Variants in SNX25 observed in about 807,000 individuals in gnomAD.
SNX25 encodes sorting nexin-25.
Under a neutral mutation model 113.7 loss-of-function variants are expected in SNX25, and 62 were observed. That is an observed-to-expected ratio of 0.55 (90% CI 0.44 to 0.67). The LOEUF (loss-of-function observed/expected upper bound fraction) is 0.67. Among genes scored for constraint, SNX25 ranks in the 30% least tolerant of loss-of-function variants. The pLI is 0.00. For synonymous variants in SNX25, 421 were observed against 436.2 expected (o/e 0.97, Z 0.43); for missense variants, 1,014 against 1,161.0 (o/e 0.87, Z 1.84).
intron 6 of SNX25, among the ~76,000 whole-genome samples, chr4:185,298,481 T>TA (rs113693866): frequency 0.011 from 1,702 of 152,268 alleles, 19 homozygotes; most frequent in South Asian, 0.047. Context: ...GTGATTTTTT[T>TA]TAAAAAAATA....
At chr4:185,341,269 T>G (rs1319968590) in intron 11 of SNX25, among the ~76,000 whole-genome samples, 1 of 152,248 alleles carries the variant, frequency 6.6e-6, no homozygotes, top group Non-Finnish European at 1.5e-5. Context: ...TAAAGGAAAT[T>G]ATATCTCCCA....
Position 185,362,617 on chromosome 4 carries a change from T to C in SNX25, c.2840T>C (p.Leu947Pro), listed in dbSNP as rs2095370410. 1 of 1,613,938 alleles carries C rather than the reference T, an allele frequency of 6.2e-7. No homozygotes were observed. The highest frequency in any genetic ancestry group is 1.3e-5 in the African/African-American group (1 of 74,914). The change falls in exon 18 of 19, where the codon CTT becomes CCT. Residue 947 changes from leucine (L) to proline (P), a missense_variant. Transcript: ENST00000652585. ...QKLLENIPDM[L>P]QSLVGQQNAR... ...TCTACACTTAATTTTTCAGATATGC[T>C]TCAGAGCCTTGTTGGACAGCAAAAT...
chr4:185,374,080 T>G, downstream of SNX25: 11 of 1,425,118 alleles, frequency 7.7e-6, no homozygotes, highest in Non-Finnish European at 5.9e-6. Context: ...AAAAAAGCAG[T>G]GAAACAAATA....
intron 15 of SNX25, among the ~76,000 whole-genome samples, chr4:185,356,291 AC>A (rs1561052085): frequency 6.6e-6 from 1 of 152,044 alleles, no homozygotes; most frequent in Admixed American, 6.6e-5. Flanking sequence ...GACCAGTAAT[AC>A]CCCTGGCCCC....
At chr4:185,249,013 A>T (rs1349541236) in intron 2 of SNX25, among the ~76,000 whole-genome samples, 2 of 152,214 alleles carry the variant, frequency 1.3e-5, no homozygotes, top group Non-Finnish European at 2.9e-5. Flanking sequence ...GGTGGGTGGT[A>T]TTCCATTACA....
intron 1 of SNX25, among the ~76,000 whole-genome samples, chr4:185,239,303 G>C (rs983634980): frequency 6.6e-6 from 1 of 151,812 alleles, no homozygotes; most frequent in African/African-American, 2.4e-5. Flanking sequence ...CCAACACGGT[G>C]AAACTCCGTC....
intron 6 of SNX25, among the ~76,000 whole-genome samples, chr4:185,302,141 G>T (rs543587056): frequency 4.3e-4 from 62 of 145,382 alleles, no homozygotes; most frequent in Admixed American, 3.8e-3. Flanking sequence ...TCACTATGTT[G>T]GTTAGGCTGG....
chr4:185,326,940 C>T lies in SNX25; in HGVS notation c.1749+3140C>T, dbSNP rs551912546. Among the ~76,000 whole-genome samples, 13 of 152,282 alleles carry T rather than the reference C, an allele frequency of 8.5e-5. No individual in the cohort carries two copies. In the South Asian group the frequency reaches 2.7e-3, roughly 32 times the overall value. ...TTTACAGAAAAACTGGATGATACCC[C>T]TTCAACTTTAGCCAATATGTTTACA... On this transcript the variant is annotated intron_variant, in intron 9 of 18. Coordinates refer to ENST00000652585, the MANE Select transcript of SNX25 (RefSeq NM_001378034.2).
In SNX25 at chr4:185,286,859, G is replaced by A. The variant is rs545986141; in HGVS notation, c.1092-1153G>A. Reference sequence around the variant, plus strand: ...GAAAAAATAAGGTGCAAATTTGTGAGGAGTCCATGAGTAGCTATGACTAAG... The same window carrying A: ...GAAAAAATAAGGTGCAAATTTGTGAAGAGTCCATGAGTAGCTATGACTAAG... On this transcript the variant is annotated intron_variant, in intron 5 of 18. Transcript: ENST00000652585. Among the ~76,000 whole-genome samples the A allele has an allele frequency of 3.9e-5, 6 of 152,304 alleles. No homozygotes were observed. In the South Asian group the frequency reaches 1.2e-3, roughly 32 times the overall value.
intron 12 of SNX25, among the ~76,000 whole-genome samples, chr4:185,344,529 G>A (rs979296840): frequency 2.0e-5 from 3 of 152,182 alleles, no homozygotes; most frequent in African/African-American, 7.2e-5. Flanking sequence ...ATGGGAGCAC[G>A]GGATGGGGAA....
chr4:185,356,610 G>A (rs1245586741), intron 15 of SNX25, among the ~76,000 whole-genome samples: 1 of 152,128 alleles, frequency 6.6e-6, no homozygotes, highest in Non-Finnish European at 1.5e-5. Context: ...AATTAGAAAT[G>A]GCTTTAGAGT....
At chr4:185,214,167 G>A (rs1212595306) in intron 1 of SNX25, among the ~76,000 whole-genome samples, 1 of 151,846 alleles carries the variant, frequency 6.6e-6, no homozygotes, top group African/African-American at 2.4e-5. Context: ...CCGCTAACAT[G>A]CCCAGCCCTT....
intron 6 of SNX25, among the ~76,000 whole-genome samples, chr4:185,300,936 T>C (rs887961529): frequency 6.6e-6 from 1 of 151,770 alleles, no homozygotes; most frequent in South Asian, 2.1e-4. Context: ...TGTTTTATTA[T>C]ACTGTTGGGG....
At chr4:185,292,600 A>G (rs1014987780) in intron 6 of SNX25, among the ~76,000 whole-genome samples, 1 of 151,900 alleles carries the variant, frequency 6.6e-6, no homozygotes, top group Non-Finnish European at 1.5e-5. Context: ...GTTGGGTTTC[A>G]CCATGTTGGC....
chr4:185,294,055 C>T (rs1009434157), intron 6 of SNX25, among the ~76,000 whole-genome samples: 2 of 152,064 alleles, frequency 1.3e-5, no homozygotes, highest in East Asian at 1.9e-4. Flanking sequence ...GCCTGCTTAG[C>T]GACTCGCGGA....
At chr4:185,340,962 T>G (rs1180558700) in intron 11 of SNX25, among the ~76,000 whole-genome samples, 1 of 152,160 alleles carries the variant, frequency 6.6e-6, no homozygotes, top group African/African-American at 2.4e-5. Context: ...AGAGGTGTGG[T>G]CCTAGGAAAG....
In SNX25 at chr4:185,334,884, C is replaced by T. The variant is rs1419420672; in HGVS notation, c.1914+2125C>T. ...AATCAGATTGTCCACAGGCTGCTCA[C>T]GGAGCACTCTGCTTCTGGCAGTTGT... On this transcript the variant is annotated intron_variant, in intron 10 of 18. Transcript: ENST00000652585. The surrounding 1 kb of genome is among the most constrained non-coding windows in gnomAD (Gnocchi z 4.2). 2.0e-5 allele frequency among the ~76,000 whole-genome samples: 3 copies of T among 152,180 alleles called. No individual in the cohort carries two copies. The highest frequency in any genetic ancestry group is 2.1e-4 in the South Asian group (1 of 4,830).
chr4:185,257,748 T>C (rs1231676268), intron 2 of SNX25, among the ~76,000 whole-genome samples: 7 of 152,184 alleles, frequency 4.6e-5, no homozygotes. Flanking sequence ...GTGGCTCTCA[T>C]ATTCAAATTA....
At chr4:185,306,306 A>AAGCAACAAGCTGCTGTTGCATTTGTT (rs1398495775) in intron 6 of SNX25, among the ~76,000 whole-genome samples, 4 of 152,282 alleles carry the variant, frequency 2.6e-5, no homozygotes, top group Non-Finnish European at 5.9e-5. Flanking sequence ...AGAACCATCT[A>AAGCAACAAGCTGCTGTTGCATTTGTT]AGCAACAAGC....
Sources: gnomAD v4.1 joint callset for allele counts (sites outside exome capture counted in the v4.1 genomes callset) on GRCh38, gnomAD v4.1.1 for gene constraint, Gnocchi (gnomAD v3.1) non-coding constraint, MANE v1.5 for transcripts, NCBI Gene and HGNC (gene_info 2026-07-23, HGNC 2026-07-21) for gene names.